The following RORA variants were observed in gnomAD, a reference collection of about 807,000 sequenced individuals.
The protein encoded by RORA is nuclear receptor ROR-alpha.
A neutral mutation model predicts 69.5 loss-of-function variants in RORA; 7 were observed. The observed-to-expected ratio is 0.10, with a 90% confidence interval of 0.06 to 0.19. The LOEUF (loss-of-function observed/expected upper bound fraction) is 0.19, where lower values mean the gene tolerates loss of function less well. Ranked by LOEUF, RORA falls within the 10% of genes least tolerant of loss-of-function variation. The probability of loss-of-function intolerance (pLI) is 1.00; values close to 1 mark genes in which losing one functional copy is unlikely to be tolerated. For missense variants in RORA, 457 were observed against 663.0 expected (o/e 0.69, Z 3.41); for synonymous variants, 261 against 240.8 (o/e 1.08, Z -0.78).
intron 2 of RORA, among the ~76,000 whole-genome samples, chr15:60,668,703 G>A (rs1037861655): frequency 1.6e-4 from 24 of 152,176 alleles, no homozygotes; most frequent in African/African-American, 5.3e-4. Flanking sequence ...CAGTTTTGTC[G>A]ACACAAAAAG....
At chr15:60,505,995 T>A (rs2065488018) in intron 5 of RORA, among the ~76,000 whole-genome samples, 1 of 152,236 alleles carries the variant, frequency 6.6e-6, no homozygotes, top group Non-Finnish European at 1.5e-5. Flanking sequence ...ATCTGCCACA[T>A]AACATTGACC....
intron 1 of RORA, among the ~76,000 whole-genome samples, chr15:61,138,619 C>T (rs184158091): frequency 7.2e-5 from 11 of 152,176 alleles, no homozygotes; most frequent in Admixed American, 6.5e-4. Context: ...CAGCAAAAAG[C>T]TTGTACCCCA....
intron 2 of RORA, among the ~76,000 whole-genome samples, chr15:60,595,616 G>T (rs2068649585): frequency 6.6e-6 from 1 of 151,576 alleles, no homozygotes; most frequent in African/African-American, 2.4e-5. Context: ...AAATGCTTAT[G>T]AGTACCGACT....
At chr15:61,063,446 C>A (rs2078214264) in intron 1 of RORA, among the ~76,000 whole-genome samples, 1 of 152,172 alleles carries the variant, frequency 6.6e-6, no homozygotes, top group Admixed American at 6.5e-5. Flanking sequence ...CTTTCATTAT[C>A]TAAATGTGAA....
intron 1 of RORA, among the ~76,000 whole-genome samples, chr15:60,985,592 T>C (rs1212334530): frequency 6.9e-6 from 1 of 144,436 alleles, no homozygotes; most frequent in Non-Finnish European, 1.5e-5. Context: ...CTTTTTTTTT[T>C]TTTTTTTTTT....
At chr15:61,102,570 C>A (rs1291615931) in intron 1 of RORA, among the ~76,000 whole-genome samples, 1 of 152,168 alleles carries the variant, frequency 6.6e-6, no homozygotes, top group African/African-American at 2.4e-5. Flanking sequence ...GATATGGCCC[C>A]TACTGTCAAA....
chr15:61,145,091 T>C (rs1292877974), intron 1 of RORA, among the ~76,000 whole-genome samples: 2 of 152,188 alleles, frequency 1.3e-5, no homozygotes, highest in Admixed American at 1.3e-4. Flanking sequence ...AAATATCTTC[T>C]AGATTATCTT....
chr15:60,684,113 G>A (rs1265085819), intron 1 of RORA, among the ~76,000 whole-genome samples: 1 of 151,260 alleles, frequency 6.6e-6, no homozygotes, highest in Non-Finnish European at 1.5e-5. Flanking sequence ...TTTTTAGTAA[G>A]AGGTGGCATT....
At chr15:60,713,279 A>G (rs1394974448) in intron 1 of RORA, among the ~76,000 whole-genome samples, 2 of 152,156 alleles carry the variant, frequency 1.3e-5, no homozygotes, top group Non-Finnish European at 2.9e-5. Flanking sequence ...TCTGAGGCTG[A>G]AGAGGTCACT....
chr15:60,815,890 A>C (rs1201453142), intron 1 of RORA, among the ~76,000 whole-genome samples: 1 of 147,584 alleles, frequency 6.8e-6, no homozygotes, highest in African/African-American at 2.5e-5. Context: ...TACTATTTAT[A>C]TACTATAGTG....
chr15:60,620,529 T>C (rs912295558), intron 2 of RORA, among the ~76,000 whole-genome samples: 2 of 152,242 alleles, frequency 1.3e-5, no homozygotes, highest in African/African-American at 4.8e-5. Flanking sequence ...GGGTAGTACC[T>C]GCCACAGAGT....
chr15:61,158,733 C>A (rs368360693), intron 1 of RORA, among the ~76,000 whole-genome samples: 2 of 152,156 alleles, frequency 1.3e-5, no homozygotes, highest in African/African-American at 2.4e-5. Flanking sequence ...CGGGAGCTGT[C>A]GTGTCAGCTG....
intron 1 of RORA, among the ~76,000 whole-genome samples, chr15:60,902,627 G>C (rs949511386): frequency 6.6e-6 from 1 of 152,194 alleles, no homozygotes; most frequent in African/African-American, 2.4e-5. Context: ...TTCAAGAAGA[G>C]AGTGGTAAGG....
chr15:60,668,795 T>C (rs572598952), intron 2 of RORA, among the ~76,000 whole-genome samples: 1 of 152,278 alleles, frequency 6.6e-6, no homozygotes, highest in East Asian at 1.9e-4. Flanking sequence ...CCAATGAAAA[T>C]GCCTCATCAG....
chr15:60,972,405 C>A (rs1252965874), intron 1 of RORA, among the ~76,000 whole-genome samples: 3 of 152,190 alleles, frequency 2.0e-5, no homozygotes, highest in Admixed American at 2.0e-4. Flanking sequence ...AACTCCCCAA[C>A]CAAGCATCTG....
chr15:60,689,464 C>A (rs2070791617), intron 1 of RORA, among the ~76,000 whole-genome samples: 1 of 152,060 alleles, frequency 6.6e-6, no homozygotes, highest in African/African-American at 2.4e-5. Context: ...TTAAATTATT[C>A]TTTTTCCATT....
Position 60,908,046 on chromosome 15 carries a change from A to G in RORA, c.167-229360T>C, listed in dbSNP as rs1450147820. Among the ~76,000 whole-genome samples, 3 of 152,130 alleles carry G rather than the reference A, an allele frequency of 2.0e-5. No homozygotes were observed. In the East Asian group the frequency reaches 5.8e-4, roughly 29 times the overall value. ...CCAATGCTCGGAACGTCCCGCCTCC[A>G]CCCAGATACACACTGACCACATGTG... On this transcript the variant is annotated intron_variant, in intron 1 of 10. Coordinates refer to ENST00000335670, the MANE Select transcript of RORA (RefSeq NM_134261.3).
chr15:60,726,769 CT>C (rs2071362412), intron 1 of RORA, among the ~76,000 whole-genome samples: 1 of 152,066 alleles, frequency 6.6e-6, no homozygotes, highest in Admixed American at 6.5e-5. Context: ...ATAAAACCCT[CT>C]AACAGAAAAA....
chr15:61,088,897 T>G lies in RORA; in HGVS notation c.166+140156A>C, dbSNP rs138587889. Among the ~76,000 whole-genome samples, 174 of 152,268 alleles carry G rather than the reference T, an allele frequency of 1.1e-3. 1 individual carries two copies. The Middle Eastern group carries it at 0.014, about 12-fold the overall frequency. ...ACCTCTAAAATCTCCCAATCACCCA[T>G]GTCATCACCATGCAGGTGAGAAACA... is the stretch of plus-strand genomic sequence containing the variant. On this transcript the variant is annotated intron_variant, in intron 1 of 10. Transcript: ENST00000335670.
Sources: allele counts gnomAD v4.1 joint callset (sites outside exome capture counted in the v4.1 genomes callset), GRCh38; gene constraint gnomAD v4.1.1; transcripts MANE v1.5; gene names NCBI Gene and HGNC (gene_info 2026-07-23, HGNC 2026-07-21).